The following FRAS1 variants were observed in gnomAD, a reference collection of about 807,000 sequenced individuals.
FRAS1 encodes extracellular matrix organizing protein FRAS1.
A neutral mutation model predicts 435.2 loss-of-function variants in FRAS1; 290 were observed. The observed-to-expected ratio is 0.67, with a 90% CI of 0.61 to 0.73. The LOEUF is 0.73. Ranked by LOEUF, FRAS1 falls within the 30% of genes least tolerant of loss-of-function variation. The pLI, the probability that FRAS1 is intolerant of heterozygous loss-of-function variation, is 0.00. For missense variants in FRAS1, 4,860 were observed against 5,001.5 expected (o/e 0.97, Z 0.85); for synonymous variants, 1,800 against 1,851.0 (o/e 0.97, Z 0.71).
At chr4:78,502,403 G>A (rs550532126) in intron 61 of FRAS1, among the ~76,000 whole-genome samples, 1 of 152,074 alleles carries the variant, frequency 6.6e-6, no homozygotes, top group Non-Finnish European at 1.5e-5. Context: ...ATTAAACAGG[G>A]GTTTGTAGTT....
chr4:78,268,852 G>A (rs1048292313), intron 9 of FRAS1, among the ~76,000 whole-genome samples: 8 of 152,208 alleles, frequency 5.3e-5, no homozygotes, highest in Non-Finnish European at 1.0e-4. Context: ...GAGCACTTCA[G>A]TATTCAAGTC....
intron 20 of FRAS1, among the ~76,000 whole-genome samples, chr4:78,339,576 G>C (rs188986616): frequency 7.0e-4 from 106 of 152,364 alleles, no homozygotes; most frequent in African/African-American, 2.3e-3. Flanking sequence ...CTGTGAGACA[G>C]AGGGAGATCT....
chr4:78,383,971 A>T, intron 27 of FRAS1, 88 bp from the exon 28 acceptor site: 1 of 977,552 alleles, frequency 1.0e-6, no homozygotes, highest in Non-Finnish European at 1.6e-6. Flanking sequence ...TTACCTACAC[A>T]TAACCTGAAA....
At chr4:78,385,376 C>T (rs897789283) in intron 28 of FRAS1, among the ~76,000 whole-genome samples, 4 of 152,110 alleles carry the variant, frequency 2.6e-5, no homozygotes, top group Non-Finnish European at 5.9e-5. Context: ...TGTTTTTCAT[C>T]TGATGTTTTT....
At chr4:78,495,026 A>G (rs1437977233) in intron 59 of FRAS1, among the ~76,000 whole-genome samples, 1 of 152,148 alleles carries the variant, frequency 6.6e-6, no homozygotes, top group African/African-American at 2.4e-5. Flanking sequence ...AATTTTTGCT[A>G]ATTTAATATG....
intron 2 of FRAS1, among the ~76,000 whole-genome samples, chr4:78,231,681 C>A (rs1366091435): frequency 5.3e-5 from 8 of 151,942 alleles, no homozygotes; most frequent in African/African-American, 1.9e-4. Flanking sequence ...AAATAATCCC[C>A]CCCAGAAATT....
intron 33 of FRAS1, among the ~76,000 whole-genome samples, chr4:78,421,454 C>T (rs114963749): frequency 0.011 from 1,723 of 152,200 alleles, 20 homozygotes; most frequent in African/African-American, 0.039. Flanking sequence ...AGCCTCCCTG[C>T]CTTATATTCT....
intron 20 of FRAS1, among the ~76,000 whole-genome samples, chr4:78,361,590 A>AG (rs1731075392): frequency 1.3e-5 from 2 of 152,188 alleles, no homozygotes; most frequent in African/African-American, 4.8e-5. Flanking sequence ...TGGACATGAA[A>AG]GGGAGATCTG....
chr4:78,227,288 C>T (rs1724315186), intron 2 of FRAS1, among the ~76,000 whole-genome samples: 1 of 152,186 alleles, frequency 6.6e-6, no homozygotes, highest in African/African-American at 2.4e-5. Flanking sequence ...AAGTGGGACA[C>T]TTTTTCTTGG....
chr4:78,513,701 C>A, intron 65 of FRAS1, 149 bp downstream of exon 65: 1 of 704,366 alleles, frequency 1.4e-6, no homozygotes, highest in Non-Finnish European at 2.4e-6. Flanking sequence ...CATGCAAATG[C>A]CATCAGTTCA....
At position 78,407,823 on chromosome 4, in the gene FRAS1, C is replaced by T. The variant is rs777508951; in HGVS notation, c.4290C>T (p.Ser1430=). ...WYRHSGAPAQ[S]DSFRFEVSSA... ...GGCACTCAGGAGCCCCAGCCCAGAG[C>T]GACTCCTTCCGCTTCGAGGTACCCT... Residue 1430 remains serine (S), a synonymous_variant, in exon 31 of 74, where the codon AGC becomes AGT. Transcript: ENST00000512123. 1.2e-5 allele frequency: 19 copies of T among 1,604,160 alleles called. No individual in the cohort carries two copies. The highest frequency in any genetic ancestry group is 4.0e-5 in the African/African-American group (3 of 74,602).
At chr4:78,437,382 A>G (rs1292332134) in intron 38 of FRAS1, among the ~76,000 whole-genome samples, 4 of 152,318 alleles carry the variant, frequency 2.6e-5, no homozygotes, top group East Asian at 1.9e-4. Context: ...TTTGGAGTCT[A>G]TATGTTGTAT....
chr4:78,455,697 T>C (rs79145671), intron 47 of FRAS1, among the ~76,000 whole-genome samples: 3,268 of 152,250 alleles, frequency 0.021, 118 homozygotes, highest in African/African-American at 0.075. Flanking sequence ...CATCTGCCTA[T>C]GCGAACTGTG....
chr4:78,379,377 C>T (rs776401451), intron 26 of FRAS1: 58 of 225,846 alleles, frequency 2.6e-4, no homozygotes, highest in Non-Finnish European at 2.3e-4. Context: ...CTCCAGCCAT[C>T]GGCATAGTTT....
intron 33 of FRAS1, among the ~76,000 whole-genome samples, chr4:78,421,191 A>G (rs1423848371): frequency 6.6e-6 from 1 of 152,114 alleles, no homozygotes. Flanking sequence ...CTTGTCACCC[A>G]GGCTGGAGTG....
intron 2 of FRAS1, among the ~76,000 whole-genome samples, chr4:78,129,414 G>C (rs1367724437): frequency 6.6e-6 from 1 of 152,240 alleles, no homozygotes; most frequent in Non-Finnish European, 1.5e-5. Flanking sequence ...AATGGTCTTA[G>C]ATGCAGGTAC....
At chr4:78,288,021 A>G (rs972231554) in intron 14 of FRAS1, among the ~76,000 whole-genome samples, 1 of 152,206 alleles carries the variant, frequency 6.6e-6, no homozygotes, top group Non-Finnish European at 1.5e-5. Flanking sequence ...TTGTTGAACA[A>G]GTGTGTGATG....
intron 2 of FRAS1, chr4:78,068,493 G>C: frequency 2.2e-6 from 1 of 456,060 alleles, no homozygotes; most frequent in East Asian, 7.0e-5. Flanking sequence ...GATAGGTCAG[G>C]GAGGATGGCA....
intron 2 of FRAS1, among the ~76,000 whole-genome samples, chr4:78,113,926 T>C (rs1742937543): frequency 6.6e-6 from 1 of 152,232 alleles, no homozygotes; most frequent in Admixed American, 6.5e-5. Context: ...TGAATGGTAT[T>C]GCCTAGGTTT....
Sources: gnomAD v4.1 joint callset for allele counts (sites outside exome capture counted in the v4.1 genomes callset) on GRCh38, gnomAD v4.1.1 for gene constraint, MANE v1.5 for transcripts, NCBI Gene and HGNC (gene_info 2026-07-23, HGNC 2026-07-21) for gene names.